Variants in RELCH observed in about 807,000 individuals in gnomAD.
RELCH encodes RAB11-binding protein RELCH.
A neutral mutation model predicts 150.3 loss-of-function variants in RELCH; 41 were observed. The observed-to-expected ratio is 0.27, with a 90% confidence interval of 0.21 to 0.35. The LOEUF (loss-of-function observed/expected upper bound fraction) is 0.35. Among genes scored for constraint, RELCH ranks in the 10% least tolerant of loss-of-function variants. The probability of loss-of-function intolerance (pLI) is 1.00; values close to 1 mark genes in which losing one functional copy is unlikely to be tolerated. For synonymous variants in RELCH, 478 were observed against 531.8 expected (o/e 0.90, Z 1.39); for missense variants, 1,092 against 1,467.8 (o/e 0.74, Z 4.18).
intron 11 of RELCH, among the ~76,000 whole-genome samples, chr18:62,249,070 GA>G (rs768532854): frequency 1.8e-4 from 28 of 152,220 alleles, no homozygotes; most frequent in Non-Finnish European, 3.8e-4. Context: ...TTATCTTAAT[GA>G]AAAAATGATT....
intron 2 of RELCH, among the ~76,000 whole-genome samples, chr18:62,215,959 T>C (rs2040449690): frequency 6.6e-6 from 1 of 152,174 alleles, no homozygotes; most frequent in African/African-American, 2.4e-5. Flanking sequence ...ATATGAAGCA[T>C]ACATTTTTAT....
At chr18:62,197,552 T>C (rs1449788431) in intron 1 of RELCH, among the ~76,000 whole-genome samples, 2 of 152,170 alleles carry the variant, frequency 1.3e-5, no homozygotes, top group Non-Finnish European at 2.9e-5. Context: ...ACATCTACAG[T>C]ATACTTAGTT....
At chr18:62,201,548 A>T (rs2039445725) in intron 1 of RELCH, among the ~76,000 whole-genome samples, 1 of 152,170 alleles carries the variant, frequency 6.6e-6, no homozygotes, top group Admixed American at 6.5e-5. Context: ...AGTATATATT[A>T]AATGTAATTA....
chr18:62,257,838 A>G (rs2043064446), intron 13 of RELCH, 110 bp from the exon 14 acceptor site: 1 of 829,974 alleles, frequency 1.2e-6, no homozygotes, highest in Non-Finnish European at 1.8e-6. Flanking sequence ...TTTAATAAAA[A>G]TGTTAATACC....
intron 24 of RELCH, among the ~76,000 whole-genome samples, chr18:62,280,953 T>A (rs2044481645): frequency 6.6e-6 from 1 of 152,164 alleles, no homozygotes; most frequent in African/African-American, 2.4e-5. Flanking sequence ...TTCAGGGATG[T>A]CCAAGGGAGA....
At chr18:62,243,782 T>G (rs556224434) in intron 10 of RELCH, among the ~76,000 whole-genome samples, 3 of 152,234 alleles carry the variant, frequency 2.0e-5, no homozygotes, top group Non-Finnish European at 2.9e-5. Context: ...GTAATAATCA[T>G]GCATTATTAC....
chr18:62,303,858 T>G (rs2045771671), intron 28 of RELCH, among the ~76,000 whole-genome samples: 1 of 152,200 alleles, frequency 6.6e-6, no homozygotes. Flanking sequence ...AGCTAAGATG[T>G]GATATCAAGA....
intron 1 of RELCH, among the ~76,000 whole-genome samples, chr18:62,195,041 A>G (rs1474462544): frequency 6.6e-6 from 1 of 152,194 alleles, no homozygotes; most frequent in East Asian, 1.9e-4. Context: ...TTTCTTGATT[A>G]TAAGAATAAT....
intron 1 of RELCH, among the ~76,000 whole-genome samples, chr18:62,206,542 A>G (rs2039793104): frequency 6.6e-6 from 1 of 152,202 alleles, no homozygotes; most frequent in Admixed American, 6.5e-5. Flanking sequence ...ACTTCCATTC[A>G]TTTGTCAAGA....
intron 16 of RELCH, among the ~76,000 whole-genome samples, chr18:62,262,764 C>T (rs2043339323): frequency 6.6e-6 from 1 of 151,958 alleles, no homozygotes. Flanking sequence ...TTCTTTTTAG[C>T]TTTCTGTATT....
In RELCH at chr18:62,306,893, A is replaced by C. The variant is rs541575598; in HGVS notation, c.*1359A>C. Reference sequence around the variant, plus strand: ...GTTGGATTACATTCATTTCCTGGGAAAGCTAGCTTACCATACATTCAAGTT... The same window carrying C: ...GTTGGATTACATTCATTTCCTGGGACAGCTAGCTTACCATACATTCAAGTT... On this transcript the variant is annotated 3_prime_UTR_variant, in exon 29 of 29. Coordinates refer to ENST00000644646, the MANE Select transcript of RELCH (RefSeq NM_001346231.2). 6.5e-6 allele frequency: 1 copy of C among 152,778 alleles called. No homozygotes were observed. Among genetic ancestry groups the C allele is most frequent in the Admixed American group, 6.5e-5 (1 of 15,308 alleles). 9.5% of individuals were successfully genotyped at this position (152,778 alleles called of 1,614,324 possible).
In RELCH at chr18:62,282,318, G is replaced by A. The variant is rs1400565879; in HGVS notation, c.3127G>A (p.Val1043Met). The stretch of plus-strand genomic sequence containing the variant: ...ATCCAATTTTAAGTTGCTGGAAAGA[G>A]TGAAAATGCAGTTGGCTTCTTTCCT... The part of the protein sequence containing the change: ...TVIQRELLER[V>M]KMQLASFLED... The change falls in exon 25 of 29, where the codon GTG becomes ATG. Residue 1043 changes from valine to methionine, a missense_variant. Transcript: ENST00000644646. The A allele has an allele frequency of 1.2e-6, 2 of 1,612,858 alleles. No individual in the cohort carries two copies. The highest frequency in any genetic ancestry group is 2.7e-5 in the African/African-American group (2 of 74,872).
At chr18:62,248,726 G>C (rs544136844) in intron 11 of RELCH, among the ~76,000 whole-genome samples, 1 of 152,078 alleles carries the variant, frequency 6.6e-6, no homozygotes, top group Non-Finnish European at 1.5e-5. Flanking sequence ...GCATCACTGG[G>C]TTATCAGTAA....
chr18:62,252,807 A>C (rs2042789881), intron 12 of RELCH, 53 bp downstream of exon 12: 1 of 1,312,080 alleles, frequency 7.6e-7, no homozygotes, highest in Admixed American at 1.7e-5. Context: ...ATTTCTTAAG[A>C]AGATACATAG....
At chr18:62,205,494 C>T (rs2039720446) in intron 1 of RELCH, among the ~76,000 whole-genome samples, 3 of 152,180 alleles carry the variant, frequency 2.0e-5, no homozygotes, top group African/African-American at 2.4e-5. Context: ...TCCTATAAGG[C>T]TTCTTTCAGC....
At chr18:62,293,696 A>C (rs1465179680) in intron 27 of RELCH, among the ~76,000 whole-genome samples, 1 of 152,090 alleles carries the variant, frequency 6.6e-6, no homozygotes, top group Non-Finnish European at 1.5e-5. Flanking sequence ...TGGGGGAAAA[A>C]AGAAGGAAAA....
intron 10 of RELCH, among the ~76,000 whole-genome samples, chr18:62,239,925 T>A (rs1012914931): frequency 1.3e-5 from 2 of 152,032 alleles, no homozygotes; most frequent in African/African-American, 4.8e-5. Flanking sequence ...TCTTCGCTTA[T>A]CAGTACCCTA....
chr18:62,293,225 G>T (rs940559948), intron 27 of RELCH, among the ~76,000 whole-genome samples: 1 of 152,056 alleles, frequency 6.6e-6, no homozygotes, highest in African/African-American at 2.4e-5. Flanking sequence ...TATTAGTCAG[G>T]GTTCTCCAGA....
chr18:62,289,109 A>G (rs188962737), intron 26 of RELCH, among the ~76,000 whole-genome samples: 1 of 152,300 alleles, frequency 6.6e-6, no homozygotes, highest in East Asian at 1.9e-4. Flanking sequence ...GGGCATAGAA[A>G]TCTATATAAA....
Sources: allele counts gnomAD v4.1 joint callset (sites outside exome capture counted in the v4.1 genomes callset), GRCh38; gene constraint gnomAD v4.1.1; transcripts MANE v1.5; gene names NCBI Gene and HGNC (gene_info 2026-07-23, HGNC 2026-07-21).